The following PRKN variants were observed in gnomAD, a reference collection of about 807,000 sequenced individuals.
PRKN encodes parkin RBR E3 ubiquitin protein ligase.
Under a neutral mutation model 59.5 loss-of-function variants are expected in PRKN, and 56 were observed. That is an observed-to-expected ratio of 0.94 (90% confidence interval 0.76 to 1.18). PRKN has a LOEUF of 1.18. Among genes scored for constraint, PRKN ranks in the 50% most tolerant of loss-of-function variants. The pLI is 0.00. For synonymous variants in PRKN, 250 were observed against 222.1 expected, an observed-to-expected ratio of 1.13 and a Z score of -1.12; for missense variants, 657 against 596.4, an observed-to-expected ratio of 1.10 and a Z score of -1.06.
intron 4 of PRKN, among the ~76,000 whole-genome samples, chr6:162,134,676 T>A (rs1583081283): frequency 6.6e-6 from 1 of 152,046 alleles, no homozygotes; most frequent in Admixed American, 6.6e-5. Context: ...CTCTTTAGAG[T>A]GAAAGCTACT....
intron 2 of PRKN, among the ~76,000 whole-genome samples, chr6:162,302,931 G>A (rs1333588473): frequency 1.4e-5 from 2 of 145,726 alleles, no homozygotes; most frequent in African/African-American, 5.1e-5. Context: ...TAATGCTAAG[G>A]GCCTATGGGT....
intron 1 of PRKN, among the ~76,000 whole-genome samples, chr6:162,556,245 G>A (rs904887842): frequency 2.0e-5 from 3 of 151,976 alleles, no homozygotes; most frequent in Admixed American, 6.6e-5. Context: ...ACCATTGTAA[G>A]CTCTCTGCGA....
intron 2 of PRKN, among the ~76,000 whole-genome samples, chr6:162,434,389 TG>T (rs1262661579): frequency 6.6e-6 from 1 of 152,214 alleles, no homozygotes; most frequent in Non-Finnish European, 1.5e-5. Flanking sequence ...CCCATCCTTC[TG>T]TGCTTTACAA....
chr6:161,780,881 T>C (rs1790174684), intron 7 of PRKN, among the ~76,000 whole-genome samples: 1 of 152,234 alleles, frequency 6.6e-6, no homozygotes, highest in South Asian at 2.1e-4. Flanking sequence ...ATCTATGACA[T>C]CTGAAAGTTT....
intron 3 of PRKN, among the ~76,000 whole-genome samples, chr6:162,240,369 C>T (rs1214904950): frequency 4.6e-5 from 7 of 152,224 alleles, no homozygotes; most frequent in African/African-American, 9.6e-5. Context: ...TTCCTTCCCA[C>T]GCATGCCCTA....
At chr6:162,378,143 G>T (rs1786224314) in intron 2 of PRKN, among the ~76,000 whole-genome samples, 1 of 152,182 alleles carries the variant, frequency 6.6e-6, no homozygotes, top group South Asian at 2.1e-4. Context: ...CATCTATCTG[G>T]AGTTCTTTTC....
chr6:161,381,015 T>C (rs1785958369), intron 10 of PRKN, among the ~76,000 whole-genome samples: 1 of 152,178 alleles, frequency 6.6e-6, no homozygotes, highest in Non-Finnish European at 1.5e-5. Flanking sequence ...GCTTGCAGGC[T>C]TTTGTGTTGA....
At chr6:161,874,094 T>C (rs545187626) in intron 6 of PRKN, among the ~76,000 whole-genome samples, 3 of 25,306 alleles carry the variant, frequency 1.2e-4, no homozygotes, top group African/African-American at 4.1e-4. Flanking sequence ...ATATAATATA[T>C]AATATATATT....
Position 161,493,314 on chromosome 6 carries a change from G to C in PRKN, c.1083+55540C>G, listed in dbSNP as rs71567613. ...AATAATTCACTTAACCATCAAAACT[G>C]CTCAATAATTTTGACACTATCATTA... On this transcript the variant is annotated intron_variant, in intron 9 of 11. Coordinates refer to ENST00000366898, the MANE Select transcript of PRKN (RefSeq NM_004562.3). 4.3e-3 allele frequency among the ~76,000 whole-genome samples: 655 copies of C among 152,236 alleles called. 11 individuals are homozygous for C. Among genetic ancestry groups the C allele is most frequent in the Non-Finnish European group, 3.5e-3 (237 of 68,006 alleles).
At chr6:162,558,460 G>T (rs541782393) in intron 1 of PRKN, among the ~76,000 whole-genome samples, 3 of 151,414 alleles carry the variant, frequency 2.0e-5, no homozygotes, top group Admixed American at 6.6e-5. Flanking sequence ...CTCCCAGGTA[G>T]CTGGGATTAC....
intron 9 of PRKN, among the ~76,000 whole-genome samples, chr6:161,398,761 T>C (rs1346655620): frequency 2.0e-5 from 3 of 152,186 alleles, no homozygotes; most frequent in Non-Finnish European, 4.4e-5. Context: ...CACAGTCAGC[T>C]GTGTCCTGAT....
intron 1 of PRKN, chr6:162,569,306 C>G: frequency 1.6e-6 from 1 of 612,148 alleles, no homozygotes. Context: ...GCGTGGGGAG[C>G]TGGCCATTAA....
chr6:161,848,403 A>G (rs995672889), intron 6 of PRKN, among the ~76,000 whole-genome samples: 1 of 152,156 alleles, frequency 6.6e-6, no homozygotes, highest in African/African-American at 2.4e-5. Flanking sequence ...GCATTTTCTT[A>G]TCATAGGGAA....
At chr6:162,630,238 T>C (rs73597911) in intron 1 of PRKN, among the ~76,000 whole-genome samples, 5,147 of 152,240 alleles carry the variant, frequency 0.034, 314 homozygotes, top group African/African-American at 0.12. Context: ...GAAAGGCCCT[T>C]TTAACTACCA....
At chr6:161,734,479 C>T (rs918865943) in intron 7 of PRKN, among the ~76,000 whole-genome samples, 3 of 152,124 alleles carry the variant, frequency 2.0e-5, no homozygotes, top group South Asian at 4.1e-4. Context: ...ATCGCAAAGT[C>T]TTGTGATGGT....
At chr6:162,694,979 C>T (rs985912359) in intron 1 of PRKN, 1 of 152,168 alleles carries the variant, frequency 6.6e-6, no homozygotes, top group Admixed American at 6.5e-5. Flanking sequence ...TGCTTTTCAT[C>T]TCTAAAGCTT....
chr6:162,000,532 C>T (rs1049396674), intron 5 of PRKN, among the ~76,000 whole-genome samples: 2 of 151,746 alleles, frequency 1.3e-5, no homozygotes, highest in Non-Finnish European at 2.9e-5. Flanking sequence ...TTTTAAAGTT[C>T]TTTGTATATT....
At chr6:161,783,609 A>C (rs112312934) in intron 7 of PRKN, 6,664 of 494,706 alleles carry the variant, frequency 0.013, 207 homozygotes, top group African/African-American at 0.08. Context: ...AAAAAGATAG[A>C]GTGTGAAGGG....
At chr6:162,582,457 T>C (rs368356851) in intron 1 of PRKN, among the ~76,000 whole-genome samples, 1 of 152,208 alleles carries the variant, frequency 6.6e-6, no homozygotes, top group East Asian at 1.9e-4. Context: ...GCCTGCATTT[T>C]TGTGTTCACG....
Sources: gnomAD v4.1 joint callset for allele counts (sites outside exome capture counted in the v4.1 genomes callset) on GRCh38, gnomAD v4.1.1 for gene constraint, MANE v1.5 for transcripts, NCBI Gene and HGNC (gene_info 2026-07-23, HGNC 2026-07-21) for gene names.